Variants in CDH23 observed in about 807,000 individuals in gnomAD.
CDH23 encodes the protein cadherin related 23, also known as cadherin-23.
A neutral mutation model predicts 317.1 loss-of-function variants in CDH23; 189 were observed. That is an observed-to-expected ratio of 0.60 (90% CI 0.53 to 0.67). CDH23 has a LOEUF of 0.67. CDH23 is among the 30% of genes least tolerant of loss of function. The pLI, the probability that CDH23 is intolerant of heterozygous loss-of-function variation, is 0.00. For missense variants in CDH23, 4,401 were observed against 4,592.4 expected, an observed-to-expected ratio of 0.96 and a Z score of 1.20; for synonymous variants, 1,839 against 1,876.8, an observed-to-expected ratio of 0.98 and a Z score of 0.52.
chr10:71,596,191 A>G (rs1292146664), intron 9 of CDH23, among the ~76,000 whole-genome samples: 2 of 151,990 alleles, frequency 1.3e-5, no homozygotes, highest in Non-Finnish European at 2.9e-5. Flanking sequence ...TTTTGCAGCC[A>G]TAATTAGGAT....
intron 14 of CDH23, among the ~76,000 whole-genome samples, chr10:71,665,301 T>C (rs1400290839): frequency 2.0e-5 from 3 of 152,168 alleles, no homozygotes; most frequent in African/African-American, 7.2e-5. Flanking sequence ...CCAGCTGGAC[T>C]TCCCTGACCA....
chr10:71,537,086 C>T (rs983919638), intron 6 of CDH23, among the ~76,000 whole-genome samples: 6 of 152,250 alleles, frequency 3.9e-5, no homozygotes, highest in African/African-American at 1.4e-4. Context: ...CTGCTCCCCC[C>T]AGCTCCATCT....
At chr10:71,779,143 C>G in intron 40 of CDH23, 124 bp from the exon 41 acceptor site, 1 of 880,490 alleles carries the variant, frequency 1.1e-6, no homozygotes, top group Non-Finnish European at 1.9e-6. Flanking sequence ...TCCGACTTCC[C>G]ATATGATTCC....
chr10:71,440,808 C>T lies in CDH23; in HGVS notation c.67+910C>T, dbSNP rs548495720. Among the ~76,000 whole-genome samples the T allele has an allele frequency of 8.7e-4, 132 of 152,278 alleles. 1 individual carries two copies. The highest frequency in any genetic ancestry group is 3.3e-3 in the South Asian group (16 of 4,832). Reference sequence around the variant, plus strand: ...GGCATCCCCCAGGGCCATAGCATCCCCAGAGAAGAGCCGTGGGCATGGTGT... The same window carrying T: ...GGCATCCCCCAGGGCCATAGCATCCTCAGAGAAGAGCCGTGGGCATGGTGT... On this transcript the variant is annotated intron_variant, in intron 2 of 69. Transcript: ENST00000224721.
intron 30 of CDH23, among the ~76,000 whole-genome samples, chr10:71,728,862 C>A (rs1866931444): frequency 6.6e-6 from 1 of 152,154 alleles, no homozygotes; most frequent in Non-Finnish European, 1.5e-5. Flanking sequence ...TGTCACCACC[C>A]CCGGCTAATT....
In CDH23 at chr10:71,481,987, C is replaced by A. The variant is rs919701102; in HGVS notation, c.146-28095C>A. 4.6e-5 allele frequency among the ~76,000 whole-genome samples: 7 copies of A among 152,282 alleles called. No individual in the cohort carries two copies. The East Asian group carries it at 1.4e-3, about 29-fold the overall frequency. ...CTGCAAAGGGTGGGGGGAGTCGGGG[C>A]TGGCGTGAGTGTGAGTCCTCTTCCC... On this transcript the variant is annotated intron_variant, in intron 3 of 69. Transcript: ENST00000224721.
Position 71,755,663 on chromosome 10 carries a change from G to A in CDH23, c.4845+13742G>A, listed in dbSNP as rs1167007874. ...TTTCAAAGAGAGCCCTGTGCCTGCC[G>A]CCCTATGCCCCTGGAGCACTCAGAA... On this transcript the variant is annotated intron_variant, in intron 38 of 69. Coordinates refer to ENST00000224721, the MANE Select transcript of CDH23 (RefSeq NM_022124.6). Among the ~76,000 whole-genome samples the A allele has an allele frequency of 3.3e-5, 5 of 152,090 alleles. No homozygotes were observed. The East Asian group carries it at 9.6e-4, about 29-fold the overall frequency.
At chr10:71,635,427 A>G (rs1213256255) in intron 11 of CDH23, 1 of 152,502 alleles carries the variant, frequency 6.6e-6, no homozygotes, top group Non-Finnish European at 1.5e-5. Context: ...ATTAGATTTC[A>G]CAAGGGTTTT....
chr10:71,541,313 G>A (rs766718401), intron 6 of CDH23, among the ~76,000 whole-genome samples: 5 of 152,140 alleles, frequency 3.3e-5, no homozygotes, highest in African/African-American at 1.2e-4. Context: ...CCTGGCCCCC[G>A]CAACAGCCAC....
At chr10:71,753,658 G>A (rs1453899200) in intron 38 of CDH23, among the ~76,000 whole-genome samples, 2 of 152,116 alleles carry the variant, frequency 1.3e-5, no homozygotes, top group African/African-American at 2.4e-5. Context: ...CCCCCAAACT[G>A]GCCACCAATT....
At chr10:71,812,677 C>G (rs935462056) in intron 67 of CDH23, 68 bp downstream of exon 67, 8 of 1,612,134 alleles carry the variant, frequency 5.0e-6, no homozygotes, top group Middle Eastern at 1.6e-4. Flanking sequence ...CAACCTCTGG[C>G]CAAGAAGCTG....
intron 14 of CDH23, among the ~76,000 whole-genome samples, chr10:71,655,490 C>T (rs1246440724): frequency 6.6e-6 from 1 of 152,196 alleles, no homozygotes; most frequent in Non-Finnish European, 1.5e-5. Flanking sequence ...GCCCACTTTT[C>T]CTGGTAACTG....
At chr10:71,720,731 G>A (rs1463580488) in intron 28 of CDH23, among the ~76,000 whole-genome samples, 1 of 152,202 alleles carries the variant, frequency 6.6e-6, no homozygotes, top group Non-Finnish European at 1.5e-5. Context: ...ATTTCCTATG[G>A]ACTGTTAAAG....
chr10:71,690,339 A>G, intron 19 of CDH23, 129 bp from the exon 20 acceptor site: 1 of 611,442 alleles, frequency 1.6e-6, no homozygotes, highest in Non-Finnish European at 2.8e-6. Flanking sequence ...CCTCCCTGAG[A>G]GCTGGTCACT....
At chr10:71,638,799 C>A (rs1239224871) in intron 11 of CDH23, among the ~76,000 whole-genome samples, 1 of 152,234 alleles carries the variant, frequency 6.6e-6, no homozygotes, top group Admixed American at 6.5e-5. Flanking sequence ...GGTCGGCTGG[C>A]TCTGGGAGCC....
chr10:71,517,496 A>G (rs1054993747), intron 6 of CDH23, among the ~76,000 whole-genome samples: 3 of 152,168 alleles, frequency 2.0e-5, no homozygotes, highest in Admixed American at 6.5e-5. Flanking sequence ...ACCTTCCCAC[A>G]TGGCGTGCCT....
intron 6 of CDH23, among the ~76,000 whole-genome samples, chr10:71,538,231 C>T (rs566202176): frequency 2.0e-5 from 3 of 152,260 alleles, no homozygotes; most frequent in East Asian, 1.9e-4. Context: ...TAGGGGTTGA[C>T]GAAAGCTGAG....
In CDH23 at chr10:71,812,832, T is replaced by C; in HGVS notation, c.9575T>C (p.Ile3192Thr). ...GATGACCGATACCTGCGGGCTGCCATCCAGGAGTATGACAACATTGCCAAG... is the reference window on the plus strand; with the variant it reads ...GATGACCGATACCTGCGGGCTGCCACCCAGGAGTATGACAACATTGCCAAG... ...PDDDRYLRAA[I>T]QEYDNIAKLG... Residue 3192 changes from isoleucine (I) to threonine (T), a missense_variant, in exon 68 of 70, where the codon ATC (isoleucine) becomes ACC (threonine). This residue lies in a region of CDH23 where 1,144 missense variants were observed against 1,138.2 expected (regional missense o/e 1.01). Coordinates refer to ENST00000224721, the MANE Select transcript of CDH23 (RefSeq NM_022124.6). 1 of 1,613,678 alleles carries C rather than the reference T, an allele frequency of 6.2e-7. No homozygotes were observed. The highest frequency in any genetic ancestry group is 1.1e-5 in the South Asian group (1 of 90,982).
rs370176661 is a variant in CDH23, at chr10:71,556,338, T to G, written c.430-10404T>G. On this transcript the variant is annotated intron_variant, in intron 6 of 69. Coordinates refer to ENST00000224721, the MANE Select transcript of CDH23 (RefSeq NM_022124.6). ...GGAGGCAGCTGGGCACCATGGCTCA[T>G]GCCTGTAATCCCAGCACTTTGGGAG... 5.5e-4 allele frequency among the ~76,000 whole-genome samples: 84 copies of G among 152,182 alleles called. 1 individual carries two copies. The highest frequency in any genetic ancestry group is 1.9e-3 in the African/African-American group (80 of 41,524).
Sources: allele counts gnomAD v4.1 joint callset (sites outside exome capture counted in the v4.1 genomes callset), GRCh38; gene constraint gnomAD v4.1.1; regional missense constraint gnomAD v4.1.1; transcripts MANE v1.5; gene names NCBI Gene and HGNC (gene_info 2026-07-23, HGNC 2026-07-21).